STK39: variants seen among roughly 807,000 people sequenced by gnomAD.
STK39 encodes STE20/SPS1-related proline-alanine-rich protein kinase.
A neutral mutation model predicts 77.8 loss-of-function variants in STK39; 20 were observed. The ratio of observed to expected loss-of-function variants is 0.26; its 90% CI spans 0.18 to 0.37. The LOEUF is 0.37. Ranked by LOEUF, STK39 falls within the 10% of genes least tolerant of loss-of-function variation. STK39 has a pLI of 1.00. For synonymous variants in STK39, 246 were observed against 234.1 expected (o/e 1.05, Z -0.47); for missense variants, 479 against 656.5 (o/e 0.73, Z 2.95).
At chr2:168,178,300 A>G (rs981829714) in intron 2 of STK39, among the ~76,000 whole-genome samples, 24 of 152,198 alleles carry the variant, frequency 1.6e-4, no homozygotes, top group African/African-American at 5.3e-4. Flanking sequence ...AAAACTAAAC[A>G]CTAAGATCAT....
At chr2:168,050,068 T>A (rs1685354838) in intron 14 of STK39, among the ~76,000 whole-genome samples, 1 of 152,214 alleles carries the variant, frequency 6.6e-6, no homozygotes. Context: ...TCCATATGAT[T>A]GTCTCAAAAC....
intron 16 of STK39, among the ~76,000 whole-genome samples, chr2:167,989,576 TG>T (rs1400911930): frequency 6.6e-6 from 1 of 152,122 alleles, no homozygotes; most frequent in Non-Finnish European, 1.5e-5. Flanking sequence ...CAGCAGTGGG[TG>T]ATAGAGTTAG....
At chr2:168,104,857 G>A (rs1686927359) in intron 10 of STK39, among the ~76,000 whole-genome samples, 1 of 152,084 alleles carries the variant, frequency 6.6e-6, no homozygotes, top group South Asian at 2.1e-4. Flanking sequence ...AATTAATGAA[G>A]CAATTGTTTG....
At chr2:167,986,907 G>C (rs1683575106) in intron 16 of STK39, among the ~76,000 whole-genome samples, 1 of 152,172 alleles carries the variant, frequency 6.6e-6, no homozygotes, top group South Asian at 2.1e-4. Flanking sequence ...AGCCAGAAAA[G>C]AGTGCTGACT....
At chr2:168,064,790 T>C (rs936868468) in intron 13 of STK39, among the ~76,000 whole-genome samples, 1 of 152,186 alleles carries the variant, frequency 6.6e-6, no homozygotes, top group African/African-American at 2.4e-5. Flanking sequence ...CCTAGGCCTT[T>C]CCCTGGATTG....
At chr2:168,029,001 G>A (rs1684770001) in intron 14 of STK39, among the ~76,000 whole-genome samples, 1 of 152,156 alleles carries the variant, frequency 6.6e-6, no homozygotes, top group South Asian at 2.1e-4. Flanking sequence ...GACAATAGAA[G>A]TTTATATCTT....
chr2:168,183,653 C>T (rs761944132), intron 1 of STK39, among the ~76,000 whole-genome samples: 1 of 152,206 alleles, frequency 6.6e-6, no homozygotes, highest in Non-Finnish European at 1.5e-5. Flanking sequence ...CTGCATGAGC[C>T]TCATTTGCTA....
intron 16 of STK39, among the ~76,000 whole-genome samples, chr2:167,983,394 G>C (rs965589205): frequency 6.9e-6 from 1 of 145,142 alleles, no homozygotes; most frequent in East Asian, 2.2e-4. Context: ...CAGGAGAATC[G>C]CTTGAACCCA....
At chr2:168,103,799 T>C (rs1428104933) in intron 10 of STK39, among the ~76,000 whole-genome samples, 1 of 152,250 alleles carries the variant, frequency 6.6e-6, no homozygotes, top group African/African-American at 2.4e-5. Flanking sequence ...TTTCTTCTCT[T>C]TCATAATTAC....
chr2:168,093,192 A>C (rs746224212), intron 10 of STK39, among the ~76,000 whole-genome samples: 7 of 152,132 alleles, frequency 4.6e-5, no homozygotes, highest in Non-Finnish European at 1.0e-4. Flanking sequence ...CTTATCCTTC[A>C]CCATCTTCTC....
intron 14 of STK39, among the ~76,000 whole-genome samples, chr2:168,022,392 G>A (rs1684592550): frequency 6.6e-6 from 1 of 152,150 alleles, no homozygotes; most frequent in African/African-American, 2.4e-5. Context: ...ACTATTGCAG[G>A]AACTTTGAAT....
chr2:168,097,684 T>C (rs978850021), intron 10 of STK39, among the ~76,000 whole-genome samples: 1 of 151,808 alleles, frequency 6.6e-6, no homozygotes, highest in Admixed American at 6.6e-5. Flanking sequence ...CAGTGAGCTA[T>C]GATCATGCCA....
intron 14 of STK39, among the ~76,000 whole-genome samples, chr2:168,053,812 C>T (rs1016427207): frequency 1.3e-5 from 2 of 152,190 alleles, no homozygotes; most frequent in South Asian, 4.1e-4. Flanking sequence ...ATACTATCTC[C>T]CTATACCATA....
At chr2:168,081,884 A>G (rs893225777) in intron 10 of STK39, among the ~76,000 whole-genome samples, 15 of 152,192 alleles carry the variant, frequency 9.9e-5, no homozygotes, top group African/African-American at 3.4e-4. Context: ...ACATCCATGT[A>G]AGATGTGACT....
chr2:168,158,783 T>G (rs1688498833), intron 5 of STK39, among the ~76,000 whole-genome samples: 1 of 152,158 alleles, frequency 6.6e-6, no homozygotes, highest in African/African-American at 2.4e-5. Context: ...TGAATGAGAC[T>G]CAAAGCATTC....
chr2:168,212,727 T>G (rs370552994), intron 1 of STK39, among the ~76,000 whole-genome samples: 5 of 152,188 alleles, frequency 3.3e-5, no homozygotes, highest in Non-Finnish European at 5.9e-5. Flanking sequence ...TAAATTATAA[T>G]AGTAAGTTAC....
intron 15 of STK39, 73 bp from the exon 16 acceptor site, chr2:168,012,775 A>G (rs1574390879): frequency 2.3e-6 from 3 of 1,280,248 alleles, no homozygotes; most frequent in Non-Finnish European, 1.1e-6. Flanking sequence ...AATGTAAAAT[A>G]TATATTTTTC....
At chr2:168,075,564 C>A (rs1270660141) in intron 10 of STK39, among the ~76,000 whole-genome samples, 1 of 151,944 alleles carries the variant, frequency 6.6e-6, no homozygotes, top group Admixed American at 6.6e-5. Context: ...TTGCCATATA[C>A]AAAAGGCCAT....
At chr2:168,066,024 A>C (rs1485911670) in intron 12 of STK39, among the ~76,000 whole-genome samples, 2 of 150,776 alleles carry the variant, frequency 1.3e-5, no homozygotes, top group Admixed American at 6.7e-5. Context: ...ACAAAAAACA[A>C]CACCAACAAC....
Sources: allele counts gnomAD v4.1 joint callset (sites outside exome capture counted in the v4.1 genomes callset), GRCh38; gene constraint gnomAD v4.1.1; transcripts MANE v1.5; gene names NCBI Gene and HGNC (gene_info 2026-07-23, HGNC 2026-07-21).